F8: variants seen among roughly 807,000 people sequenced by gnomAD.
F8 encodes antihemophilic factor.
F8 carries 12 observed loss-of-function variants against 140.6 expected under a neutral mutation model. The observed-to-expected ratio is 0.09, with a 90% CI of 0.05 to 0.14. F8 has a LOEUF of 0.14. F8 is among the 10% of genes least tolerant of loss of function. The probability of loss-of-function intolerance (pLI) is 1.00; values close to 1 mark genes in which losing one functional copy is unlikely to be tolerated. For synonymous variants in F8, 585 were observed against 614.6 expected, an observed-to-expected ratio of 0.95 and a Z score of 0.71; for missense variants, 1,354 against 1,720.7, an observed-to-expected ratio of 0.79 and a Z score of 3.77.
chrX:154,999,457 C>T, intron 2 of F8, 22 bp downstream of exon 2: 1 of 1,196,860 alleles, frequency 8.4e-7, no homozygotes, highest in Non-Finnish European at 1.1e-6. Flanking sequence ...TCATAAATAG[C>T]ATTCAACATT....
intron 20 of F8, among the ~76,000 whole-genome samples, chrX:154,901,080 T>C (rs2073007316): frequency 8.9e-6 from 1 of 112,013 alleles, no homozygotes; most frequent in Non-Finnish European, 1.9e-5. Flanking sequence ...TTACTGCTCA[T>C]AGGAAAGTAT....
chrX:154,908,692 G>C (rs782283489), intron 14 of F8, among the ~76,000 whole-genome samples: 1 of 111,377 alleles, frequency 9.0e-6, no homozygotes, highest in African/African-American at 3.3e-5. Flanking sequence ...CTAGGTACTT[G>C]TTAGTATTCT....
chrX:154,912,059 C>T (rs1366538754), intron 14 of F8, among the ~76,000 whole-genome samples: 1 of 111,412 alleles, frequency 9.0e-6, no homozygotes, highest in African/African-American at 3.3e-5. Flanking sequence ...TGCTTTTTTG[C>T]CATTGACTTG....
At chrX:154,940,956 A>T (rs1220842851) in intron 13 of F8, among the ~76,000 whole-genome samples, 1 of 111,822 alleles carries the variant, frequency 8.9e-6, no homozygotes, top group Non-Finnish European at 1.9e-5. Flanking sequence ...TTTACAGACA[A>T]GCAAATGCTG....
chrX:154,987,561 GA>G (rs1474056002), intron 4 of F8, among the ~76,000 whole-genome samples: 1 of 112,302 alleles, frequency 8.9e-6, no homozygotes, highest in East Asian at 2.8e-4. Context: ...AATTACTAAA[GA>G]AAAAAATTAA....
chrX:154,936,498 G>A (rs2073225826), intron 13 of F8, among the ~76,000 whole-genome samples: 1 of 111,922 alleles, frequency 8.9e-6, no homozygotes, highest in Non-Finnish European at 1.9e-5. Flanking sequence ...AGACAAAAAG[G>A]ACATTTCACA....
At chrX:154,953,779 A>G in intron 12 of F8, 113 bp downstream of exon 12, 2 of 916,363 alleles carry the variant, frequency 2.2e-6, no homozygotes. Flanking sequence ...TATAGGTAAC[A>G]TAATTGTTAA....
In F8 at chrX:154,984,821, A is replaced by G. The variant is rs1306674932; in HGVS notation, c.671-18T>C. 1 of 1,116,839 alleles carries G rather than the reference A, an allele frequency of 9.0e-7. No homozygotes were observed. Among genetic ancestry groups the G allele is most frequent in the African/African-American group, 1.8e-5 (1 of 56,047 alleles). The allele number at this position is 1,116,839 out of a possible 1,213,427, so 92.0% of individuals were successfully genotyped here. ...ACTTTTCCCTGATGAGAGAGAAGGC[A>G]AAGATAGAGTCAGCTAAGCATGTGT... On this transcript the variant is annotated intron_variant, in intron 5 of 25. Transcript: ENST00000360256.
chrX:154,847,151 C>A (rs1384345584), intron 25 of F8, among the ~76,000 whole-genome samples: 1 of 112,410 alleles, frequency 8.9e-6, no homozygotes, highest in African/African-American at 3.2e-5. Context: ...GCCAAGAGAT[C>A]AGCTGTTAGT....
rs199630813 is a variant in F8 at position 154,930,414 on chromosome X, T to A, written c.3376A>T (p.Arg1126Trp). The change falls in exon 14 of 26, where the codon AGG (arginine) becomes TGG (tryptophan). Residue 1126 changes from arginine to tryptophan, a missense_variant. Arg to Trp is a moderately radical substitution (Grantham distance 101). This residue lies in a region of F8 where 658 missense variants were observed against 666.5 expected (regional missense o/e 0.99). Coordinates refer to ENST00000360256, the MANE Select transcript of F8 (RefSeq NM_000132.4). The part of the protein sequence containing the change: ...FKMLFLPESA[R>W]WIQRTHGKNS... The stretch of plus-strand genomic sequence containing the variant: ...TTTCCATGAGTCCTTTGTATCCACC[T>A]TGCTGATTCTGGCAAGAATAGCATC... 399 of 1,210,207 alleles carry A rather than the reference T, an allele frequency of 3.3e-4. 3 individuals are homozygous for A. In the South Asian group the frequency reaches 6.1e-3, roughly 19 times the overall value.
At chrX:154,982,378 G>T (rs59810056) in intron 6 of F8, among the ~76,000 whole-genome samples, 1 of 101,314 alleles carries the variant, frequency 9.9e-6, no homozygotes, top group South Asian at 4.7e-4. Context: ...ACCCCGGGGG[G>T]CAGAGCCTGC....
rs782060312 is a variant in F8 at position 154,902,456 on chromosome X, G to T, written c.5999-289C>A. On this transcript the variant is annotated intron_variant, in intron 18 of 25. Coordinates refer to ENST00000360256, the MANE Select transcript of F8 (RefSeq NM_000132.4). ...CATTATGATTGACCTACATTCCCAG[G>T]GTCTTTCTGAGCAAAAGGTGTGTTT... is the stretch of plus-strand genomic sequence containing the variant. Among the ~76,000 whole-genome samples, 10 of 111,431 alleles carry T rather than the reference G, an allele frequency of 9.0e-5. No individual in the cohort carries two copies. In the South Asian group the frequency reaches 1.5e-3, roughly 17 times the overall value.
chrX:154,929,518 G>A lies in F8; in HGVS notation c.4272C>T (p.Thr1424=), dbSNP rs782600138. 1.7e-6 allele frequency: 2 copies of A among 1,210,174 alleles called. No individual in the cohort carries two copies. Among genetic ancestry groups the A allele is most frequent in the Admixed American group, 4.3e-5 (2 of 46,024 alleles). ...AAGAGTTGTCTTGGAATAGGACCCTGGTCAGATATATAGGTCTAATAGATG... is the reference window on the plus strand; with the variant it reads ...AAGAGTTGTCTTGGAATAGGACCCTAGTCAGATATATAGGTCTAATAGATG... ...SFPSIRPIYL[T]RVLFQDNSSH... is the part of the protein sequence containing the mutation. Residue 1424 remains threonine, a synonymous_variant, in exon 14 of 26, where the codon ACC becomes ACT. Coordinates refer to ENST00000360256, the MANE Select transcript of F8 (RefSeq NM_000132.4).
At chrX:154,840,311 T>C (rs2148556952) in intron 25 of F8, among the ~76,000 whole-genome samples, 1 of 112,306 alleles carries the variant, frequency 8.9e-6, no homozygotes, top group African/African-American at 3.2e-5. Flanking sequence ...TCATTATTCC[T>C]TTTGATGCTC....
At chrX:154,910,601 C>G (rs2073061209) in intron 14 of F8, among the ~76,000 whole-genome samples, 1 of 112,297 alleles carries the variant, frequency 8.9e-6, no homozygotes, top group African/African-American at 3.2e-5. Flanking sequence ...TCTCTAATCT[C>G]AAGTACCCAG....
Position 154,863,270 on chromosome X carries a change from G to C in F8, c.6430-43C>G, listed in dbSNP as rs782627372. 5 of 1,152,016 alleles carry C rather than the reference G, an allele frequency of 4.3e-6. No individual in the cohort carries two copies. The East Asian group carries it at 1.2e-4, about 27-fold the overall frequency. The allele number at this position is 1,152,016 out of a possible 1,213,427, so 94.9% of individuals were successfully genotyped here. ...CACAAATACATGGAAAGTGAATACA[G>C]AGTAAAAAGCAATTTCTGTCAATCA... On this transcript the variant is annotated intron_variant, in intron 22 of 25. Coordinates refer to ENST00000360256, the MANE Select transcript of F8 (RefSeq NM_000132.4).
intron 22 of F8, among the ~76,000 whole-genome samples, chrX:154,867,364 T>G (rs782133431): frequency 4.9e-4 from 54 of 110,707 alleles, no homozygotes; most frequent in African/African-American, 1.8e-3. Context: ...TGATACCATA[T>G]CCAGGCAAAA....
intron 13 of F8, among the ~76,000 whole-genome samples, chrX:154,939,195 C>T (rs62619840): frequency 0.54 from 59,336 of 110,410 alleles, 13,314 homozygotes; most frequent in East Asian, 0.78. Flanking sequence ...GTGCACTGTG[C>T]GTGAGCCGAA....
intron 1 of F8, among the ~76,000 whole-genome samples, chrX:155,015,906 C>T (rs2124168058): frequency 8.9e-6 from 1 of 112,376 alleles, no homozygotes; most frequent in East Asian, 2.8e-4. Flanking sequence ...TTAGCACATG[C>T]AAAGATGCTC....
Sources: allele counts gnomAD v4.1 joint callset (sites outside exome capture counted in the v4.1 genomes callset), GRCh38; gene constraint gnomAD v4.1.1; regional missense constraint gnomAD v4.1.1; transcripts MANE v1.5; gene names NCBI Gene and HGNC (gene_info 2026-07-23, HGNC 2026-07-21).